RASAL2: variants seen among roughly 807,000 people sequenced by gnomAD.
The protein encoded by RASAL2 is ras GTPase-activating protein nGAP.
A neutral mutation model predicts 128.9 loss-of-function variants in RASAL2; 58 were observed. The ratio of observed to expected loss-of-function variants is 0.45; its 90% CI spans 0.36 to 0.56. RASAL2 has a LOEUF of 0.56. Ranked by LOEUF, RASAL2 falls within the 20% of genes least tolerant of loss-of-function variation. The probability of loss-of-function intolerance (pLI) is 0.00; values close to 1 mark genes in which losing one functional copy is unlikely to be tolerated. For synonymous variants in RASAL2, 561 were observed against 580.8 expected (o/e 0.97, Z 0.49); for missense variants, 1,360 against 1,601.6 (o/e 0.85, Z 2.57).
At chr1:178,192,230 T>A (rs1415068005) in intron 1 of RASAL2, among the ~76,000 whole-genome samples, 1 of 152,188 alleles carries the variant, frequency 6.6e-6, no homozygotes, top group Non-Finnish European at 1.5e-5. Context: ...TCCCTCCAAC[T>A]GTTAATATTT....
intron 2 of RASAL2, among the ~76,000 whole-genome samples, chr1:178,286,403 C>A (rs948517875): frequency 6.6e-6 from 1 of 151,344 alleles, no homozygotes; most frequent in Non-Finnish European, 1.5e-5. Context: ...TTGAGTCTCA[C>A]ATTATAGTTA....
chr1:178,295,892 G>C (rs1010663193), intron 2 of RASAL2, among the ~76,000 whole-genome samples: 1 of 152,132 alleles, frequency 6.6e-6, no homozygotes, highest in Admixed American at 6.6e-5. Flanking sequence ...AAAGAAATAA[G>C]AAGAGCTTTC....
chr1:178,217,282 C>G (rs1558120857), intron 1 of RASAL2, among the ~76,000 whole-genome samples: 1 of 152,112 alleles, frequency 6.6e-6, no homozygotes, highest in African/African-American at 2.4e-5. Context: ...GCCAAGTAGA[C>G]TTTATTTTTT....
In RASAL2 at chr1:178,379,739, A is replaced by G. The variant is rs569164674; in HGVS notation, c.458-10361A>G. ...TCCTTTGTTTAGGGATTTCCTTAGA[A>G]CAGAAAAAGTGTAGAACAGAAGATG... On this transcript the variant is annotated intron_variant, in intron 3 of 17. Coordinates refer to ENST00000367649, the MANE Select transcript of RASAL2 (RefSeq NM_170692.4). 8.1e-4 allele frequency among the ~76,000 whole-genome samples: 124 copies of G among 152,306 alleles called. 1 individual carries two copies. The highest frequency in any genetic ancestry group is 2.7e-3 in the African/African-American group (113 of 41,570).
At chr1:178,361,201 C>G (rs1483900301) in intron 3 of RASAL2, among the ~76,000 whole-genome samples, 1 of 152,090 alleles carries the variant, frequency 6.6e-6, no homozygotes, top group East Asian at 1.9e-4. Context: ...TCTGTTGATG[C>G]AACTGTTTTG....
intron 1 of RASAL2, among the ~76,000 whole-genome samples, chr1:178,142,544 C>T (rs928120301): frequency 3.9e-5 from 6 of 152,086 alleles, no homozygotes; most frequent in African/African-American, 7.2e-5. Context: ...GGGAGAGTTT[C>T]GGATTCTTAG....
chr1:178,226,156 G>T (rs1434879588), intron 1 of RASAL2, among the ~76,000 whole-genome samples: 1 of 152,090 alleles, frequency 6.6e-6, no homozygotes, highest in Non-Finnish European at 1.5e-5. Context: ...TTAGAAATGT[G>T]GAATCTCAGG....
intron 1 of RASAL2, among the ~76,000 whole-genome samples, chr1:178,191,661 C>T (rs1662498792): frequency 6.6e-6 from 1 of 152,168 alleles, no homozygotes; most frequent in Non-Finnish European, 1.5e-5. Flanking sequence ...TTGACTTTCC[C>T]AAGCTGACTT....
At position 178,457,742 on chromosome 1, in the gene RASAL2, A is replaced by G; in HGVS notation, c.2450A>G (p.Lys817Arg). 1 of 1,614,188 alleles carries G rather than the reference A, an allele frequency of 6.2e-7. No homozygotes were observed. Among genetic ancestry groups the G allele is most frequent in the Non-Finnish European group, 8.5e-7 (1 of 1,180,018 alleles). ...QDNTDSYFRG[K>R]TLLLVQQASS... is the part of the protein sequence containing the mutation. ...AACACAGACAGCTACTTCAGAGGGAAAACATTATTGCTGGTTCAGCAAGCC... is the reference window on the plus strand; with the variant it reads ...AACACAGACAGCTACTTCAGAGGGAGAACATTATTGCTGGTTCAGCAAGCC... The change falls in exon 14 of 18, where the codon AAA becomes AGA. Residue 817 changes from lysine to arginine, a missense_variant. Physicochemically the swap from Lys to Arg is conservative, Grantham distance 26. Around this residue, in one of 3 missense-constraint regions of RASAL2, gnomAD observed 741 missense variants for 868.6 expected, o/e 0.85. Transcript: ENST00000367649.
At chr1:178,143,013 C>T (rs189789425) in intron 1 of RASAL2, among the ~76,000 whole-genome samples, 63 of 151,976 alleles carry the variant, frequency 4.1e-4, no homozygotes, top group Non-Finnish European at 7.1e-4. Flanking sequence ...TTCTTTGGCA[C>T]GCTTCACAGG....
rs376500138 is a variant in RASAL2, at chr1:178,466,043, G to A, written c.3511G>A (p.Ala1171Thr). 7 of 1,581,344 alleles carry A rather than the reference G, an allele frequency of 4.4e-6. No individual in the cohort carries two copies. The change falls in exon 16 of 18, where the codon GCC (alanine) becomes ACC (threonine). Residue 1171 changes from alanine to threonine, a missense_variant. By Grantham distance (58) the Ala-to-Thr change is moderately conservative. Around this residue, in one of 3 missense-constraint regions of RASAL2, gnomAD observed 741 missense variants for 868.6 expected, o/e 0.85. Coordinates refer to ENST00000367649, the MANE Select transcript of RASAL2 (RefSeq NM_170692.4). ...QMQKLLLEYK[A>T]RLEDSEERLR... ...GCAGAAGCTGCTGCTGGAATACAAG[G>A]CCCGACTGGAGGACAGCGAGGAGCG... is the stretch of plus-strand genomic sequence containing the variant.
intron 3 of RASAL2, among the ~76,000 whole-genome samples, chr1:178,301,733 G>A (rs1298302217): frequency 2.0e-5 from 3 of 152,004 alleles, no homozygotes; most frequent in Non-Finnish European, 4.4e-5. Context: ...CGCCCAGCCT[G>A]ACTATTGTCT....
chr1:178,452,667 T>G lies in RASAL2; in HGVS notation c.2009+15T>G. 3 of 1,582,600 alleles carry G rather than the reference T, an allele frequency of 1.9e-6. No homozygotes were observed. The highest frequency in any genetic ancestry group is 2.6e-6 in the Non-Finnish European group (3 of 1,151,966). On this transcript the variant is annotated intron_variant, in intron 11 of 17. Transcript: ENST00000367649. Reference sequence around the variant, plus strand: ...AACTTTGCCAAGTAGGTGATACTGTTGTAACCACTTTAAAAACACAGTTTA... The same window carrying G: ...AACTTTGCCAAGTAGGTGATACTGTGGTAACCACTTTAAAAACACAGTTTA...
chr1:178,287,379 A>G (rs1053157563), intron 2 of RASAL2, among the ~76,000 whole-genome samples: 1 of 151,968 alleles, frequency 6.6e-6, no homozygotes, highest in African/African-American at 2.4e-5. Flanking sequence ...GTGGTAAAGT[A>G]CCAGTTTCCT....
chr1:178,199,021 G>A (rs1662772262), intron 1 of RASAL2, among the ~76,000 whole-genome samples: 1 of 152,194 alleles, frequency 6.6e-6, no homozygotes, highest in South Asian at 2.1e-4. Flanking sequence ...AAGTAATGGT[G>A]GACACCTCCT....
At chr1:178,207,168 A>T (rs1663079362) in intron 1 of RASAL2, among the ~76,000 whole-genome samples, 1 of 138,268 alleles carries the variant, frequency 7.2e-6, no homozygotes, top group Admixed American at 7.3e-5. Context: ...AAAAAAAAAA[A>T]GTAATGATTT....
At chr1:178,180,172 A>G (rs1662039892) in intron 1 of RASAL2, among the ~76,000 whole-genome samples, 1 of 152,190 alleles carries the variant, frequency 6.6e-6, no homozygotes, top group East Asian at 1.9e-4. Flanking sequence ...AACCAGTCAC[A>G]TAAAGGTCGT....
At chr1:178,237,829 T>C (rs1020986991) in intron 1 of RASAL2, among the ~76,000 whole-genome samples, 3 of 152,176 alleles carry the variant, frequency 2.0e-5, no homozygotes, top group African/African-American at 7.2e-5. Context: ...ATCTCCAGAC[T>C]ATTTTATCTT....
chr1:178,116,701 C>A (rs1159474872), intron 1 of RASAL2, among the ~76,000 whole-genome samples: 1 of 152,196 alleles, frequency 6.6e-6, no homozygotes, highest in Admixed American at 6.5e-5. Context: ...TCTTCACCTC[C>A]TGCGTTCACG....
Sources: gnomAD v4.1 joint callset for allele counts (sites outside exome capture counted in the v4.1 genomes callset) on GRCh38, gnomAD v4.1.1 for gene constraint, gnomAD v4.1.1 regional missense constraint, MANE v1.5 for transcripts, NCBI Gene and HGNC (gene_info 2026-07-23, HGNC 2026-07-21) for gene names.